Variants in BRAF observed in about 807,000 individuals in gnomAD.
BRAF encodes the protein serine/threonine-protein kinase B-raf.
Under a neutral mutation model 104.6 loss-of-function variants are expected in BRAF, and 16 were observed. The ratio of observed to expected loss-of-function variants is 0.15; its 90% CI spans 0.10 to 0.23. The LOEUF is 0.23. BRAF is among the 10% of genes least tolerant of loss of function. BRAF has a pLI of 1.00. For missense variants in BRAF, 541 were observed against 937.3 expected (o/e 0.58, Z 5.52); for synonymous variants, 310 against 341.6 (o/e 0.91, Z 1.02).
chr7:140,909,250 C>T (rs983184789), intron 1 of BRAF, among the ~76,000 whole-genome samples: 2 of 151,878 alleles, frequency 1.3e-5, no homozygotes, highest in African/African-American at 2.4e-5. Context: ...ACATGGAAAA[C>T]CCCCGTCTCT....
chr7:140,832,567 C>A (rs1286274951), intron 3 of BRAF, among the ~76,000 whole-genome samples: 1 of 152,150 alleles, frequency 6.6e-6, no homozygotes, highest in Non-Finnish European at 1.5e-5. Flanking sequence ...GAGTTTAATA[C>A]CACAAACCCA....
At chr7:140,751,989 C>T (rs1351642264) in intron 16 of BRAF, among the ~76,000 whole-genome samples, 1 of 152,086 alleles carries the variant, frequency 6.6e-6, no homozygotes, top group African/African-American at 2.4e-5. Flanking sequence ...CTCTTTTTCA[C>T]TCTTAAAAAT....
rs1273585752 is a variant in BRAF, at chr7:140,924,615, C to G, written c.89G>C (p.Gly30Ala). ...AGCCGAAGAGGCCGCGGCGCCGGCG[C>G]CGGCGCCGGCCTCGGGCTCCATGTC... ...NGDMEPEAGAGAGAAASSAAD... is the reference protein window; with the variant it reads ...NGDMEPEAGAAAGAAASSAAD... The change falls in exon 1 of 20, where the codon GGC becomes GCC. Residue 30 changes from glycine to alanine, a missense_variant. Gly to Ala is a moderately conservative substitution (Grantham distance 60). This residue lies in a region of BRAF where 82 missense variants were observed against 65.9 expected (regional missense o/e 1.24). Transcript: ENST00000644969. The surrounding 1 kb of genome is among the most constrained non-coding windows in gnomAD (Gnocchi z 4.2). 6.6e-6 allele frequency: 10 copies of G among 1,526,662 alleles called. No homozygotes were observed. The highest frequency in any genetic ancestry group is 2.8e-5 in the African/African-American group (2 of 72,062). The allele number at this position is 1,526,662 out of a possible 1,614,324, so 94.6% of individuals were successfully genotyped here.
chr7:140,753,233 G>A (rs1255031025), intron 16 of BRAF, 42 bp downstream of exon 15: 2 of 1,483,378 alleles, frequency 1.3e-6, no homozygotes, highest in East Asian at 4.5e-5. Flanking sequence ...AGCATCTCAG[G>A]GCCAAAAATT....
intron 1 of BRAF, among the ~76,000 whole-genome samples, chr7:140,866,102 T>C (rs1337833214): frequency 6.6e-6 from 1 of 152,222 alleles, no homozygotes; most frequent in Non-Finnish European, 1.5e-5. Context: ...ATCAAATTTC[T>C]GTCACATAAA....
At position 140,734,110 on chromosome 7, in the gene BRAF, GAAT is replaced by G. The variant is rs989917529; in HGVS notation, c.2401+504_2401+506del. 8.7e-6 allele frequency: 9 copies of G among 1,037,494 alleles called. No individual in the cohort carries two copies. The African/African-American group carries it at 1.2e-4, about 13-fold the overall frequency. 64.3% of individuals were successfully genotyped at this position (1,037,494 alleles called of 1,614,324 possible). A position where few individuals can be genotyped will look rare whatever the true frequency, so the allele number is the denominator to read the frequency against. Reference sequence around the variant, plus strand: ...GAAATAGTTATAGAAAAATTATTAAGAATAATAATAGAATTATTAAATTCTACT... The same window carrying G: ...GAAATAGTTATAGAAAAATTATTAAGAATAATAGAATTATTAAATTCTACT... On this transcript the variant is annotated intron_variant, in intron 19 of 19. Coordinates refer to ENST00000644969, the MANE Select transcript of BRAF (RefSeq NM_001374258.1).
chr7:140,767,746 C>T (rs34728239), intron 14 of BRAF, among the ~76,000 whole-genome samples: 3,158 of 152,192 alleles, frequency 0.021, 37 homozygotes, highest in South Asian at 0.036. Flanking sequence ...AGGAATACAC[C>T]CTGGAGCTGA....
At chr7:140,918,161 G>T (rs982551199) in intron 1 of BRAF, among the ~76,000 whole-genome samples, 1 of 151,936 alleles carries the variant, frequency 6.6e-6, no homozygotes, top group East Asian at 1.9e-4. Flanking sequence ...TTTTTTCAAG[G>T]AAACTAACAT....
At chr7:140,795,296 C>T (rs1802389324) in intron 7 of BRAF, among the ~76,000 whole-genome samples, 1 of 152,056 alleles carries the variant, frequency 6.6e-6, no homozygotes, top group Non-Finnish European at 1.5e-5. Context: ...ATTGTAAACA[C>T]TTGGAAGGAT....
chr7:140,871,219 G>A (rs1811553558), intron 1 of BRAF, among the ~76,000 whole-genome samples: 1 of 132,756 alleles, frequency 7.5e-6, no homozygotes, highest in African/African-American at 2.8e-5. Flanking sequence ...CAGCCTGGGG[G>A]ACAGAGCAAG....
chr7:140,794,002 C>T (rs938848829), intron 8 of BRAF, among the ~76,000 whole-genome samples: 2 of 152,170 alleles, frequency 1.3e-5, no homozygotes, highest in Non-Finnish European at 2.9e-5. Context: ...GAACTTAATT[C>T]TGTCAAGGGC....
intron 17 of BRAF, among the ~76,000 whole-genome samples, chr7:140,744,391 G>A (rs1219752716): frequency 6.6e-6 from 1 of 152,216 alleles, no homozygotes; most frequent in African/African-American, 2.4e-5. Flanking sequence ...CAACAAGAAC[G>A]CTTCTGAATT....
chr7:140,798,166 C>T lies in BRAF; in HGVS notation c.980+2196G>A, dbSNP rs186875966. Among the ~76,000 whole-genome samples the T allele has an allele frequency of 5.9e-4, 89 of 152,086 alleles. No individual in the cohort carries two copies. In the East Asian group the frequency reaches 0.011, roughly 19 times the overall value. On this transcript the variant is annotated intron_variant, in intron 7 of 19. Transcript: ENST00000644969. ...AGAAATCTGAAGAAATGGCATTACA[C>T]TGTGAAGAGTGGGAGGAAGTAGGGT...
In BRAF at chr7:140,834,376, T is replaced by C; in HGVS notation, c.504+233A>G. 6.3e-6 allele frequency: 4 copies of C among 637,916 alleles called. No individual in the cohort carries two copies. The South Asian group carries it at 8.5e-5, about 13-fold the overall frequency. 39.5% of individuals were successfully genotyped at this position (637,916 alleles called of 1,614,324 possible). ...TGCTTAGACATGACTGTGGTTCAAG[T>C]TTGGCAGACAGGTTTAAATGTCAAA... On this transcript the variant is annotated intron_variant, in intron 3 of 19. Transcript: ENST00000644969.
downstream of BRAF, among the ~76,000 whole-genome samples, chr7:140,716,550 C>T (rs1795133716): frequency 6.6e-6 from 1 of 152,136 alleles, no homozygotes; most frequent in African/African-American, 2.4e-5. Flanking sequence ...AGACGCAGTG[C>T]CACCCCTCCC....
chr7:140,768,954 C>T (rs1317717356), intron 14 of BRAF, among the ~76,000 whole-genome samples: 1 of 152,194 alleles, frequency 6.6e-6, no homozygotes, highest in Non-Finnish European at 1.5e-5. Context: ...CAGATGTTAG[C>T]ACCAATGCCC....
chr7:140,773,671 G>C (rs1800057526), intron 14 of BRAF, among the ~76,000 whole-genome samples: 1 of 152,192 alleles, frequency 6.6e-6, no homozygotes. Flanking sequence ...CAGATTTAGA[G>C]AAATAACAGC....
Position 140,723,342 on chromosome 7 carries a change from A to T in BRAF, c.*3152T>A. ...GCAGTCTTGAATTATTTCTTTATAT[A>T]CTGCTCTTTCTTCTCCAACACCAAC... On this transcript the variant is annotated 3_prime_UTR_variant, in exon 20 of 20. Coordinates refer to ENST00000644969, the MANE Select transcript of BRAF (RefSeq NM_001374258.1). 9.5e-7 allele frequency: 1 copy of T among 1,055,564 alleles called. No homozygotes were observed. Among genetic ancestry groups the T allele is most frequent in the Non-Finnish European group, 1.1e-6 (1 of 873,316 alleles). The allele number at this position is 1,055,564 out of a possible 1,614,324, so 65.4% of individuals were successfully genotyped here.
intron 5 of BRAF, 29 bp downstream of exon 5, chr7:140,807,931 A>G: frequency 6.4e-7 from 1 of 1,553,602 alleles, no homozygotes; most frequent in Non-Finnish European, 8.9e-7. Context: ...CATTTTTGAC[A>G]TTTCAAAAAA....
Sources: allele counts gnomAD v4.1 joint callset (sites outside exome capture counted in the v4.1 genomes callset), GRCh38; gene constraint gnomAD v4.1.1; regional missense constraint gnomAD v4.1.1; non-coding constraint Gnocchi (gnomAD v3.1); transcripts MANE v1.5; gene names NCBI Gene and HGNC (gene_info 2026-07-23, HGNC 2026-07-21).